SLC25A21: variants seen among roughly 807,000 people sequenced by gnomAD.
SLC25A21 encodes mitochondrial 2-oxodicarboxylate carrier.
SLC25A21 carries 47 observed loss-of-function variants against 43.8 expected under a neutral mutation model. The ratio of observed to expected loss-of-function variants is 1.07; its 90% confidence interval spans 0.85 to 1.37. The LOEUF is 1.37. SLC25A21 is among the 40% of genes most tolerant of loss of function. The pLI is 0.00. For missense variants in SLC25A21, 352 were observed against 350.2 expected (o/e 1.00, Z -0.04); for synonymous variants, 131 against 121.3 (o/e 1.08, Z -0.52).
chr14:36,694,241 C>T (rs1233689636), intron 7 of SLC25A21, among the ~76,000 whole-genome samples: 1 of 152,204 alleles, frequency 6.6e-6, no homozygotes, highest in Non-Finnish European at 1.5e-5. Context: ...AGGACATGAA[C>T]TCATCCCTTT....
rs770294334 is a variant in SLC25A21 at position 36,813,905 on chromosome 14, A to G, written c.203+13T>C. 36 of 1,543,370 alleles carry G rather than the reference A, an allele frequency of 2.3e-5. No individual in the cohort carries two copies. The highest frequency in any genetic ancestry group is 3.0e-5 in the Non-Finnish European group (34 of 1,128,966). On this transcript the variant is annotated intron_variant, in intron 3 of 9. Coordinates refer to ENST00000331299, the MANE Select transcript of SLC25A21 (RefSeq NM_030631.4). ...GAAACATATTAAAATGGCTATATGA[A>G]GAATATACATACCCTTCCATTTGGA...
At chr14:36,758,590 CAAA>C (rs11314165) in intron 3 of SLC25A21, among the ~76,000 whole-genome samples, 78 of 127,654 alleles carry the variant, frequency 6.1e-4, no homozygotes, top group Admixed American at 7.4e-4. Flanking sequence ...TCAGCCAGGT[CAAA>C]AAAAAAAAAA....
chr14:36,875,522 A>T (rs1228494933), intron 1 of SLC25A21, among the ~76,000 whole-genome samples: 1 of 152,222 alleles, frequency 6.6e-6, no homozygotes, highest in Non-Finnish European at 1.5e-5. Flanking sequence ...CAATACATTA[A>T]TAGCTTAATA....
intron 2 of SLC25A21, among the ~76,000 whole-genome samples, chr14:36,816,601 C>G (rs1888464630): frequency 6.6e-6 from 1 of 150,920 alleles, no homozygotes; most frequent in African/African-American, 2.4e-5. Flanking sequence ...GGCTCAACCT[C>G]AAGGGATCTT....
At chr14:37,140,246 T>C (rs1166754420) in intron 1 of SLC25A21, among the ~76,000 whole-genome samples, 1 of 152,208 alleles carries the variant, frequency 6.6e-6, no homozygotes, top group Non-Finnish European at 1.5e-5. Context: ...CCTTGGTAGA[T>C]ACAGGATAAA....
chr14:36,760,431 T>C lies in SLC25A21; in HGVS notation c.204-25858A>G, dbSNP rs34900709. Among the ~76,000 whole-genome samples, 1,323 of 152,168 alleles carry C rather than the reference T, an allele frequency of 8.7e-3. 16 individuals are homozygous for C. Among genetic ancestry groups the C allele is most frequent in the Admixed American group, 0.027 (413 of 15,290 alleles). On this transcript the variant is annotated intron_variant, in intron 3 of 9. Coordinates refer to ENST00000331299, the MANE Select transcript of SLC25A21 (RefSeq NM_030631.4). ...GAAAATCTCTGGAGTAGAGAGATAG[T>C]AATTTTTTTATTGCTCTGTCTTAGG...
At chr14:37,122,211 T>G (rs926839493) in intron 1 of SLC25A21, among the ~76,000 whole-genome samples, 1 of 152,224 alleles carries the variant, frequency 6.6e-6, no homozygotes. Context: ...TGCTTTAGGT[T>G]AAGAAGAACT....
chr14:36,870,241 T>C lies in SLC25A21; in HGVS notation c.119+4715A>G, dbSNP rs567337148. On this transcript the variant is annotated intron_variant, in intron 2 of 9. Transcript: ENST00000331299. ...AAATTAAGAATGAGTGATGTATTAGTTTCCTAGGGCTGCATCACAAATTAC... is the reference window on the plus strand; with the variant it reads ...AAATTAAGAATGAGTGATGTATTAGCTTCCTAGGGCTGCATCACAAATTAC... 2.0e-5 allele frequency among the ~76,000 whole-genome samples: 3 copies of C among 152,294 alleles called. No homozygotes were observed. The East Asian group carries it at 5.8e-4, about 29-fold the overall frequency.
chr14:36,764,182 AAGAAAGAAAGAG>A (rs1434432967), intron 3 of SLC25A21, among the ~76,000 whole-genome samples: 4 of 82,728 alleles, frequency 4.8e-5, no homozygotes, highest in Non-Finnish European at 6.7e-5. Context: ...GAAAGAAAGA[AAGAAAGAAAGAG>A]AAAGAAAGAA....
chr14:36,896,274 G>C (rs1246933720), intron 1 of SLC25A21, among the ~76,000 whole-genome samples: 1 of 152,178 alleles, frequency 6.6e-6, no homozygotes, highest in Non-Finnish European at 1.5e-5. Flanking sequence ...TTGTTGAATT[G>C]ATCCCTTTAC....
intron 1 of SLC25A21, among the ~76,000 whole-genome samples, chr14:36,928,505 G>A (rs866621944): frequency 1.3e-5 from 2 of 152,030 alleles, no homozygotes; most frequent in African/African-American, 4.8e-5. Flanking sequence ...CTAATGGGAG[G>A]TTAAAGTTGT....
chr14:37,168,214 C>T (rs1306141670), intron 1 of SLC25A21, among the ~76,000 whole-genome samples: 1 of 152,074 alleles, frequency 6.6e-6, no homozygotes, highest in Non-Finnish European at 1.5e-5. Context: ...CTCTGCAATG[C>T]TGGTCTTTGT....
intron 1 of SLC25A21, among the ~76,000 whole-genome samples, chr14:37,142,489 T>C (rs1408246465): frequency 2.6e-5 from 4 of 152,154 alleles, no homozygotes; most frequent in Non-Finnish European, 5.9e-5. Context: ...GCCTCTCAAG[T>C]AGCTGGGACC....
chr14:36,753,050 A>C (rs1404748583), intron 3 of SLC25A21, among the ~76,000 whole-genome samples: 2 of 152,196 alleles, frequency 1.3e-5, no homozygotes, highest in African/African-American at 2.4e-5. Context: ...TCACTGAGAC[A>C]GAAAGTAGAA....
rs998587378 is a variant in SLC25A21, at chr14:36,994,817, TA to T, written c.71-119814del. 2.1e-4 allele frequency among the ~76,000 whole-genome samples: 32 copies of T among 152,274 alleles called. 1 individual carries two copies. The highest frequency in any genetic ancestry group is 1.4e-3 in the Admixed American group (21 of 15,284). ...CAATAAACAAAAGGAAACGTGGCAT[TA>T]AACCAATGCAGTCCTCGTTTCCAAC... On this transcript the variant is annotated intron_variant, in intron 1 of 9. Coordinates refer to ENST00000331299, the MANE Select transcript of SLC25A21 (RefSeq NM_030631.4).
At chr14:36,902,541 C>T (rs1041384237) in intron 1 of SLC25A21, among the ~76,000 whole-genome samples, 1 of 151,958 alleles carries the variant, frequency 6.6e-6, no homozygotes, top group Admixed American at 6.6e-5. Context: ...AACCTGTGGT[C>T]GGATTTTGGA....
intron 3 of SLC25A21, among the ~76,000 whole-genome samples, chr14:36,780,601 CTG>C (rs1359355003): frequency 1.3e-5 from 2 of 151,918 alleles, no homozygotes; most frequent in African/African-American, 2.4e-5. Context: ...TTGTTCAGGA[CTG>C]TGTTAATTCC....
At chr14:36,876,171 A>C (rs889082673) in intron 1 of SLC25A21, among the ~76,000 whole-genome samples, 1 of 152,168 alleles carries the variant, frequency 6.6e-6, no homozygotes, top group Non-Finnish European at 1.5e-5. Flanking sequence ...GAATTTAGCC[A>C]TGATGTAGTT....
intron 1 of SLC25A21, among the ~76,000 whole-genome samples, chr14:37,170,597 T>C (rs530154028): frequency 6.6e-6 from 1 of 152,142 alleles, no homozygotes; most frequent in African/African-American, 2.4e-5. Context: ...AAATTCATCA[T>C]CACAATTGGA....
Sources: gnomAD v4.1 joint callset for allele counts (sites outside exome capture counted in the v4.1 genomes callset) on GRCh38, gnomAD v4.1.1 for gene constraint, MANE v1.5 for transcripts, NCBI Gene and HGNC (gene_info 2026-07-23, HGNC 2026-07-21) for gene names.